C2CD2: variants seen among roughly 807,000 people sequenced by gnomAD.
C2CD2 encodes the protein C2 domain-containing protein 2.
In C2CD2, 43 loss-of-function variants were observed where a neutral mutation model predicts 74.3. The observed-to-expected ratio is 0.58, with a 90% CI of 0.45 to 0.75. C2CD2 has a LOEUF of 0.75. Among genes scored for constraint, C2CD2 ranks in the 30% least tolerant of loss-of-function variants. C2CD2 has a pLI of 0.00. For synonymous variants in C2CD2, 422 were observed against 390.7 expected (o/e 1.08, Z -0.94); for missense variants, 801 against 916.3 (o/e 0.87, Z 1.63).
At position 41,912,371 on chromosome 21, in the gene C2CD2, T is replaced by C. The variant is rs368787252; in HGVS notation, c.914A>G (p.Lys305Arg). Residue 305 changes from lysine to arginine, a missense_variant, in exon 7 of 14, where the codon AAA (lysine) becomes AGA (arginine). By Grantham distance (26) the Lys-to-Arg change is conservative. Transcript: ENST00000380486. ...TTCCCACATGAGGTCCGGAGTGTTT[T>C]TCGTCAGGGTGCTGGAGAACCTCTG... ...PVQRFSSTLT[K>R]NTPDLMWEEE... The C allele has an allele frequency of 1.2e-6, 2 of 1,612,690 alleles. No individual in the cohort carries two copies. Among genetic ancestry groups the C allele is most frequent in the Non-Finnish European group, 1.7e-6 (2 of 1,179,844 alleles).
Position 41,932,834 on chromosome 21 carries a change from A to G in C2CD2, c.378+9313T>C, listed in dbSNP as rs529810822. On this transcript the variant is annotated intron_variant, in intron 2 of 13. Coordinates refer to ENST00000380486, the MANE Select transcript of C2CD2 (RefSeq NM_015500.2). ...TTTTGCAGATGAACCAGATATTTGCAAAGGTGATGACTTGGACACACCGAG... is the reference window on the plus strand; with the variant it reads ...TTTTGCAGATGAACCAGATATTTGCGAAGGTGATGACTTGGACACACCGAG... 6.1e-4 allele frequency among the ~76,000 whole-genome samples: 92 copies of G among 150,364 alleles called. 3 individuals are homozygous for G. Among genetic ancestry groups the G allele is most frequent in the Non-Finnish European group, 7.0e-4 (47 of 67,060 alleles).
chr21:41,933,877 T>A (rs2065284338), intron 2 of C2CD2, among the ~76,000 whole-genome samples: 1 of 152,198 alleles, frequency 6.6e-6, no homozygotes, highest in South Asian at 2.1e-4. Flanking sequence ...CAAGGGCTCC[T>A]TTCCTCATTT....
chr21:41,953,330 G>C, intron 1 of C2CD2, 40 bp downstream of exon 1: 1 of 1,325,656 alleles, frequency 7.5e-7, no homozygotes, highest in Non-Finnish European at 9.9e-7. Context: ...CGCCCGCCCC[G>C]GCATCTGCCG....
In C2CD2 at chr21:41,939,814, G is replaced by T. The variant is rs1414130079; in HGVS notation, c.378+2333C>A. On this transcript the variant is annotated intron_variant, in intron 2 of 13. Coordinates refer to ENST00000380486, the MANE Select transcript of C2CD2 (RefSeq NM_015500.2). This position sits in a 1 kb window ranked among gnomAD's most constrained non-coding sequence, Gnocchi z 5.5. Reference sequence around the variant, plus strand: ...AGAGAAAACCGGGAACAGCACTTTGGTGACTGACTCAGGAATACTTGGTCA... The same window carrying T: ...AGAGAAAACCGGGAACAGCACTTTGTTGACTGACTCAGGAATACTTGGTCA... Among the ~76,000 whole-genome samples the T allele has an allele frequency of 2.0e-5, 3 of 152,192 alleles. No individual in the cohort carries two copies. Among genetic ancestry groups the T allele is most frequent in the Non-Finnish European group, 2.9e-5 (2 of 68,032 alleles).
intron 2 of C2CD2, among the ~76,000 whole-genome samples, chr21:41,931,781 G>A (rs547327141): frequency 6.7e-6 from 1 of 150,038 alleles, no homozygotes; most frequent in South Asian, 2.1e-4. Flanking sequence ...GCACCAGGAT[G>A]GGGGCTGGTC....
Position 41,899,399 on chromosome 21 carries a change from T to G in C2CD2, c.1561-37A>C, listed in dbSNP as rs2064865605. 3 of 1,572,654 alleles carry G rather than the reference T, an allele frequency of 1.9e-6. No homozygotes were observed. The highest frequency in any genetic ancestry group is 2.6e-6 in the Non-Finnish European group (3 of 1,158,588). On this transcript the variant is annotated intron_variant, in intron 12 of 13. Transcript: ENST00000380486. This position sits in a 1 kb window ranked among gnomAD's most constrained non-coding sequence, Gnocchi z 4.4. Reference sequence around the variant, plus strand: ...AGTGGGGAAGATGACAAGGGATACATGAAAGGAAGGGAGGGTTTGAAAAGA... The same window carrying G: ...AGTGGGGAAGATGACAAGGGATACAGGAAAGGAAGGGAGGGTTTGAAAAGA...
chr21:41,921,721 G>A (rs969218754), intron 3 of C2CD2, among the ~76,000 whole-genome samples: 1 of 151,936 alleles, frequency 6.6e-6, no homozygotes, highest in Non-Finnish European at 1.5e-5. Flanking sequence ...TCAAATGCCC[G>A]AAAGAGGCAA....
intron 11 of C2CD2, among the ~76,000 whole-genome samples, chr21:41,902,452 G>C (rs1162982203): frequency 6.6e-6 from 1 of 152,182 alleles, no homozygotes; most frequent in East Asian, 1.9e-4. Flanking sequence ...CACACCCCAT[G>C]AGCAGGTCCT....
chr21:41,917,063 C>T (rs1430068326), intron 5 of C2CD2, among the ~76,000 whole-genome samples: 1 of 152,094 alleles, frequency 6.6e-6, no homozygotes, highest in Non-Finnish European at 1.5e-5. Flanking sequence ...CCCTGGGAAG[C>T]CCCCCAGACA....
At chr21:41,908,829 T>TAC (rs145882098) in intron 8 of C2CD2, 1,841 of 152,420 alleles carry the variant, frequency 0.012, 12 homozygotes, top group Non-Finnish European at 0.019. Flanking sequence ...TACTGATGTG[T>TAC]ACACACACAC....
intron 5 of C2CD2, among the ~76,000 whole-genome samples, chr21:41,915,902 G>A (rs1026012762): frequency 1.8e-4 from 27 of 152,172 alleles, no homozygotes; most frequent in Admixed American, 1.2e-3. Flanking sequence ...CGGGCTTCTC[G>A]GAGGTGGCGC....
intron 13 of C2CD2, among the ~76,000 whole-genome samples, 185 bp downstream of exon 13, chr21:41,898,868 C>T (rs552121839): frequency 2.0e-5 from 3 of 152,278 alleles, no homozygotes; most frequent in Non-Finnish European, 2.9e-5. Context: ...ACAGAAGGAC[C>T]GGCAGATGCC....
intron 6 of C2CD2, among the ~76,000 whole-genome samples, chr21:41,912,841 G>A (rs2146180676): frequency 6.6e-6 from 1 of 152,308 alleles, no homozygotes; most frequent in South Asian, 2.1e-4. Flanking sequence ...GAAAAAAAAG[G>A]CTAAATTAAA....
Position 41,903,333 on chromosome 21 carries a change from G to A in C2CD2, c.1433-1584C>T, listed in dbSNP as rs1200577994. On this transcript the variant is annotated intron_variant, in intron 11 of 13. Transcript: ENST00000380486. This position sits in a 1 kb window ranked among gnomAD's most constrained non-coding sequence, Gnocchi z 4.5. ...CAATTTGTAGCCAAGTGGGACAAAAGTGTGGTAACCTGGGGACCCACTATT... is the reference window on the plus strand; with the variant it reads ...CAATTTGTAGCCAAGTGGGACAAAAATGTGGTAACCTGGGGACCCACTATT... 1.3e-5 allele frequency among the ~76,000 whole-genome samples: 2 copies of A among 152,220 alleles called. No individual in the cohort carries two copies. The highest frequency in any genetic ancestry group is 2.9e-5 in the Non-Finnish European group (2 of 68,044).
chr21:41,919,341 C>T (rs1189093299), intron 3 of C2CD2, among the ~76,000 whole-genome samples: 1 of 152,198 alleles, frequency 6.6e-6, no homozygotes, highest in Admixed American at 6.5e-5. Context: ...CAGAAAACTG[C>T]TTAGCTTTCC....
chr21:41,907,958 AAAGG>A, intron 8 of C2CD2, 174 bp from the exon 9 acceptor site: 1 of 695,054 alleles, frequency 1.4e-6, no homozygotes. Context: ...AAAGACAAAG[AAAGG>A]CTGTGGAAAC....
rs2064697533 is a variant in C2CD2 at position 41,887,461 on chromosome 21, A to AT, written c.*1662dup. The AT allele has an allele frequency of 6.6e-6, 1 of 151,672 alleles. No homozygotes were observed. Among genetic ancestry groups the AT allele is most frequent in the Non-Finnish European group, 1.5e-5 (1 of 67,862 alleles). 9.4% of individuals were successfully genotyped at this position (151,672 alleles called of 1,614,324 possible). On this transcript the variant is annotated 3_prime_UTR_variant, in exon 14 of 14. Coordinates refer to ENST00000380486, the MANE Select transcript of C2CD2 (RefSeq NM_015500.2). ...TCTCTCTAAAAAAGAAGAAAAAAAA[A>AT]TCCTATAATTTTGGTTTTTATACAG...
At chr21:41,902,825 C>A (rs1452378142) in intron 11 of C2CD2, among the ~76,000 whole-genome samples, 3 of 152,140 alleles carry the variant, frequency 2.0e-5, no homozygotes, top group Non-Finnish European at 4.4e-5. Context: ...TCCAGAGCCA[C>A]GGAGCTGGGG....
intron 11 of C2CD2, among the ~76,000 whole-genome samples, chr21:41,902,757 T>C (rs376029): frequency 0.2 from 30,564 of 151,896 alleles, 4,328 homozygotes; most frequent in African/African-American, 0.4. Flanking sequence ...AATAAATAGA[T>C]ACTTGGTCTT....
Sources: gnomAD v4.1 joint callset for allele counts (sites outside exome capture counted in the v4.1 genomes callset) on GRCh38, gnomAD v4.1.1 for gene constraint, Gnocchi (gnomAD v3.1) non-coding constraint, MANE v1.5 for transcripts, NCBI Gene and HGNC (gene_info 2026-07-23, HGNC 2026-07-21) for gene names.